Variants in SPOCK1 observed in about 807,000 individuals in gnomAD.
SPOCK1 encodes SPARC (osteonectin), cwcv and kazal like domains proteoglycan 1, also known as testican-1.
In SPOCK1, 23 loss-of-function variants were observed where a neutral mutation model predicts 55.3. The ratio of observed to expected loss-of-function variants is 0.42; its 90% CI spans 0.30 to 0.59. The LOEUF is 0.59. Ranked by LOEUF, SPOCK1 falls within the 20% of genes least tolerant of loss-of-function variation. The pLI is 0.22. For synonymous variants in SPOCK1, 226 were observed against 221.0 expected (o/e 1.02, Z -0.20); for missense variants, 499 against 552.5 (o/e 0.90, Z 0.97).
At chr5:137,458,395 A>G (rs1753412035) in intron 2 of SPOCK1, among the ~76,000 whole-genome samples, 1 of 152,226 alleles carries the variant, frequency 6.6e-6, no homozygotes, top group South Asian at 2.1e-4. Context: ...ATATGTTACT[A>G]TTGTTTTTGT....
At chr5:137,100,819 CT>C (rs1191564470) in intron 5 of SPOCK1, among the ~76,000 whole-genome samples, 3 of 151,456 alleles carry the variant, frequency 2.0e-5, no homozygotes, top group South Asian at 2.1e-4. Context: ...AGAAGCATTT[CT>C]GTTCTGTTCA....
At chr5:137,352,665 A>G (rs1384138568) in intron 2 of SPOCK1, among the ~76,000 whole-genome samples, 2 of 152,032 alleles carry the variant, frequency 1.3e-5, no homozygotes, top group African/African-American at 4.8e-5. Context: ...TGGAGGGAGA[A>G]GAAAGGTGGG....
rs2881776 is a variant in SPOCK1, at chr5:137,001,170, C to T, written c.590-8570G>A. Among the ~76,000 whole-genome samples, 1,463 of 152,172 alleles carry T rather than the reference C, an allele frequency of 9.6e-3. 21 individuals are homozygous for T. Among genetic ancestry groups the T allele is most frequent in the African/African-American group, 0.031 (1,286 of 41,490 alleles). ...GATAACAGAACTAGTATTAGGACCA[C>T]GAGGAGAATGAAACTATAATAGAAT... On this transcript the variant is annotated intron_variant, in intron 6 of 10. Transcript: ENST00000394945.
intron 6 of SPOCK1, among the ~76,000 whole-genome samples, chr5:137,026,277 T>A (rs1284532363): frequency 6.6e-6 from 1 of 152,252 alleles, no homozygotes; most frequent in Non-Finnish European, 1.5e-5. Flanking sequence ...TAGGCCACAG[T>A]ATCCAGATGG....
At chr5:137,374,435 G>A (rs1248397153) in intron 2 of SPOCK1, among the ~76,000 whole-genome samples, 2 of 152,212 alleles carry the variant, frequency 1.3e-5, no homozygotes, top group East Asian at 3.9e-4. Context: ...TCAAGAGAGT[G>A]TCAGCCTTCT....
At chr5:137,264,409 GACTAC>G (rs992145452) in intron 3 of SPOCK1, among the ~76,000 whole-genome samples, 4 of 152,014 alleles carry the variant, frequency 2.6e-5, no homozygotes, top group African/African-American at 9.7e-5. Flanking sequence ...CCACCTTTCT[GACTAC>G]ACTATTACCA....
chr5:137,343,591 A>AGCTCAGCC (rs1272753731), intron 2 of SPOCK1, among the ~76,000 whole-genome samples: 1 of 152,202 alleles, frequency 6.6e-6, no homozygotes, highest in Non-Finnish European at 1.5e-5. Flanking sequence ...CCACCTGTGA[A>AGCTCAGCC]GCTCAGCCTC....
chr5:137,202,281 G>C (rs529382710), intron 3 of SPOCK1, among the ~76,000 whole-genome samples: 1 of 152,310 alleles, frequency 6.6e-6, no homozygotes, highest in African/African-American at 2.4e-5. Flanking sequence ...CATGGGGGAA[G>C]GTATGGTTTG....
intron 2 of SPOCK1, among the ~76,000 whole-genome samples, chr5:137,367,060 C>G (rs1207960804): frequency 6.6e-6 from 1 of 152,222 alleles, no homozygotes; most frequent in Non-Finnish European, 1.5e-5. Context: ...TGTCAATTCA[C>G]ATGTTCACAT....
At chr5:136,996,396 T>TA (rs1751040350) in intron 6 of SPOCK1, among the ~76,000 whole-genome samples, 1 of 152,144 alleles carries the variant, frequency 6.6e-6, no homozygotes, top group Admixed American at 6.5e-5. Context: ...GACGGTGCTT[T>TA]CTTGGGAGAG....
intron 2 of SPOCK1, among the ~76,000 whole-genome samples, chr5:137,436,797 C>T (rs1752874202): frequency 6.6e-6 from 1 of 152,092 alleles, no homozygotes; most frequent in African/African-American, 2.4e-5. Context: ...TTGTGATTTT[C>T]CTCATAAGGA....
At chr5:137,390,385 T>C (rs916742753) in intron 2 of SPOCK1, among the ~76,000 whole-genome samples, 6 of 152,174 alleles carry the variant, frequency 3.9e-5, no homozygotes, top group African/African-American at 9.7e-5. Context: ...TAATGAAAAA[T>C]TGCAAATTAG....
Position 136,978,060 on chromosome 5 carries a change from C to T in SPOCK1, c.*594G>A, listed in dbSNP as rs1750650398. On this transcript the variant is annotated 3_prime_UTR_variant, in exon 11 of 11. Coordinates refer to ENST00000394945, the MANE Select transcript of SPOCK1 (RefSeq NM_004598.4). ...CACCAATTTTTAATAAAATGAATTC[C>T]CCAAAGGGAGTCTTGACTGAATTAA... The T allele has an allele frequency of 2.5e-6, 1 of 397,596 alleles. No homozygotes were observed. The highest frequency in any genetic ancestry group is 4.4e-5 in the Admixed American group (1 of 22,706). The allele number at this position is 397,596 out of a possible 1,614,324, so 24.6% of individuals were successfully genotyped here.
chr5:137,458,888 AT>A (rs1753421864), intron 2 of SPOCK1, among the ~76,000 whole-genome samples: 1 of 152,250 alleles, frequency 6.6e-6, no homozygotes, highest in African/African-American at 2.4e-5. Flanking sequence ...TGGTTTTATC[AT>A]CTTCTAAGCC....
At chr5:137,326,149 A>G (rs1758072441) in intron 2 of SPOCK1, among the ~76,000 whole-genome samples, 1 of 152,174 alleles carries the variant, frequency 6.6e-6, no homozygotes, top group South Asian at 2.1e-4. Context: ...GGAGAAGAGG[A>G]AATGAAAAAA....
intron 2 of SPOCK1, among the ~76,000 whole-genome samples, chr5:137,322,921 G>A (rs1017701888): frequency 3.9e-5 from 6 of 152,254 alleles, no homozygotes; most frequent in East Asian, 1.9e-4. Context: ...ATGTCATAAC[G>A]TGGTAAAAGG....
chr5:137,459,449 G>A lies in SPOCK1; in HGVS notation c.186+38924C>T, dbSNP rs911501744. 9.1e-5 allele frequency among the ~76,000 whole-genome samples: 4 copies of A among 43,842 alleles called. No individual in the cohort carries two copies. The East Asian group carries it at 2.9e-3, about 32-fold the overall frequency. 28.8% of individuals were successfully genotyped at this position (43,842 alleles called of 152,430 possible). ...TACAAACAGAGAGAGGCTAATGAAA[G>A]GCTTTTTTTTTTTTTTAATTCATTG... On this transcript the variant is annotated intron_variant, in intron 2 of 10. Coordinates refer to ENST00000394945, the MANE Select transcript of SPOCK1 (RefSeq NM_004598.4).
chr5:137,190,613 C>A (rs1755160696), intron 3 of SPOCK1, among the ~76,000 whole-genome samples: 1 of 152,104 alleles, frequency 6.6e-6, no homozygotes, highest in Admixed American at 6.5e-5. Flanking sequence ...TGGTTTGGAA[C>A]CAAACCCACA....
chr5:137,109,239 T>A (rs990654009), intron 5 of SPOCK1, among the ~76,000 whole-genome samples: 2 of 152,168 alleles, frequency 1.3e-5, no homozygotes, highest in African/African-American at 4.8e-5. Context: ...ACAAACAGGA[T>A]CTTCACAAAG....
Sources: gnomAD v4.1 joint callset for allele counts (sites outside exome capture counted in the v4.1 genomes callset) on GRCh38, gnomAD v4.1.1 for gene constraint, MANE v1.5 for transcripts, NCBI Gene and HGNC (gene_info 2026-07-23, HGNC 2026-07-21) for gene names.